The following UPP2 variants were observed in gnomAD, a reference collection of about 807,000 sequenced individuals.
UPP2 encodes UPase 2.
A neutral mutation model predicts 26.7 loss-of-function variants in UPP2; 23 were observed. The ratio of observed to expected loss-of-function variants is 0.86; its 90% CI spans 0.62 to 1.22. The LOEUF (loss-of-function observed/expected upper bound fraction) is 1.22, where lower values mean the gene tolerates loss of function less well. UPP2 is among the 50% of genes most tolerant of loss of function. The pLI is 0.00. For synonymous variants in UPP2, 127 were observed against 141.3 expected, an observed-to-expected ratio of 0.90 and a Z score of 0.72; for missense variants, 387 against 396.7, an observed-to-expected ratio of 0.98 and a Z score of 0.21.
chr2:158,083,486 T>C (rs138130071), intron 3 of UPP2, among the ~76,000 whole-genome samples: 2,128 of 152,010 alleles, frequency 0.014, 60 homozygotes, highest in African/African-American at 0.048. Context: ...GTTTTCACTC[T>C]TAAGTGGGAG....
upstream of UPP2, among the ~76,000 whole-genome samples, chr2:158,099,536 G>A (rs924129835): frequency 6.6e-6 from 1 of 152,146 alleles, no homozygotes; most frequent in Non-Finnish European, 1.5e-5. Context: ...CTTCTGGGAA[G>A]GGGTGCCTGC....
intron 6 of UPP2, among the ~76,000 whole-genome samples, chr2:158,131,511 A>G (rs1683820142): frequency 6.6e-6 from 1 of 152,200 alleles, no homozygotes; most frequent in African/African-American, 2.4e-5. Flanking sequence ...AAGAGGTTCC[A>G]ATTAGGACTT....
chr2:158,030,478 T>C (rs1487710265), intron 3 of UPP2, among the ~76,000 whole-genome samples: 1 of 152,200 alleles, frequency 6.6e-6, no homozygotes, highest in Non-Finnish European at 1.5e-5. Flanking sequence ...ACCATATAGA[T>C]TTCTGTTCTG....
Position 158,123,876 on chromosome 2 carries a change from T to G in UPP2, c.792T>G (p.Cys264Trp). ...AATCTACAGTGTTTGCAGCTATGTGTGGACTCTGTGGTCTAAAAGGTAAGC... is the reference window on the plus strand; with the variant it reads ...AATCTACAGTGTTTGCAGCTATGTGGGGACTCTGTGGTCTAAAAGGTAAGC... Reference protein sequence around the residue: ...EMESTVFAAMCGLCGLKAAVV... With the variant: ...EMESTVFAAMWGLCGLKAAVV... Residue 264 changes from cysteine (C) to tryptophan (W), a missense_variant, in exon 6 of 7, where the codon TGT (cysteine) becomes TGG (tryptophan). Transcript: ENST00000005756. 2 of 1,613,878 alleles carry G rather than the reference T, an allele frequency of 1.2e-6. No homozygotes were observed. Among genetic ancestry groups the G allele is most frequent in the Non-Finnish European group, 1.7e-6 (2 of 1,179,838 alleles).
intron 5 of UPP2, among the ~76,000 whole-genome samples, chr2:158,122,795 C>G (rs1231196183): frequency 6.6e-6 from 1 of 152,182 alleles, no homozygotes; most frequent in African/African-American, 2.4e-5. Context: ...TGAAGCTGCT[C>G]CCCTCAGACC....
chr2:158,027,981 G>A (rs773116422), intron 3 of UPP2, among the ~76,000 whole-genome samples: 1 of 152,180 alleles, frequency 6.6e-6, no homozygotes, highest in African/African-American at 2.4e-5. Context: ...ACAGCACTGG[G>A]ATCCTGGGCC....
chr2:158,117,673 G>A lies in UPP2; in HGVS notation c.340-151G>A, dbSNP rs564040086. ...CAGCATGTCATGTAGGTGCCAATTA[G>A]GGAGGACTTACATTTTCCTCAGCAT... is the stretch of plus-strand genomic sequence containing the variant. On this transcript the variant is annotated intron_variant, in intron 3 of 6. Transcript: ENST00000005756. 6.3e-6 allele frequency: 4 copies of A among 638,004 alleles called. No homozygotes were observed. The South Asian group carries it at 7.6e-5, about 12-fold the overall frequency. The allele number at this position is 638,004 out of a possible 1,614,324, so 39.5% of individuals were successfully genotyped here.
At chr2:158,117,984 T>A (rs768088479) in intron 4 of UPP2, 46 bp downstream of exon 4, 1 of 1,501,004 alleles carries the variant, frequency 6.7e-7, no homozygotes, top group East Asian at 2.3e-5. Flanking sequence ...GATCCTTACA[T>A]ACATGGTAGC....
upstream of UPP2, among the ~76,000 whole-genome samples, chr2:158,097,628 G>T (rs1683008773): frequency 6.6e-6 from 1 of 152,174 alleles, no homozygotes; most frequent in South Asian, 2.1e-4. Flanking sequence ...AGGATTAGGG[G>T]ATGCTGCAAT....
intron 3 of UPP2, among the ~76,000 whole-genome samples, chr2:158,080,386 G>A (rs1338466866): frequency 6.6e-6 from 1 of 152,006 alleles, no homozygotes; most frequent in Non-Finnish European, 1.5e-5. Context: ...ATATCACACT[G>A]CCTCTGTAGG....
chr2:158,004,642 A>G (rs1683462200), intron 2 of UPP2, among the ~76,000 whole-genome samples: 1 of 152,218 alleles, frequency 6.6e-6, no homozygotes, highest in South Asian at 2.1e-4. Flanking sequence ...GGGGAGATGG[A>G]TAAGAAACAA....
At chr2:158,015,838 A>C (rs1427317005) in exon 3 of UPP2, 1 of 453,412 alleles carries the variant, frequency 2.2e-6, no homozygotes, top group Admixed American at 2.4e-5. Context: ...CCATGATTGT[A>C]AGTGTCCTGA....
chr2:158,066,607 T>A (rs1425292789), intron 3 of UPP2, among the ~76,000 whole-genome samples: 2 of 149,352 alleles, frequency 1.3e-5, no homozygotes, highest in African/African-American at 5.0e-5. Flanking sequence ...CTAGCAAATA[T>A]CAGATTTGTT....
intron 2 of UPP2, among the ~76,000 whole-genome samples, chr2:158,015,051 A>G (rs1318591284): frequency 6.6e-6 from 1 of 152,248 alleles, no homozygotes; most frequent in African/African-American, 2.4e-5. Context: ...CATTATGATC[A>G]TTAGAGAAAC....
intron 3 of UPP2, 33 bp downstream of exon 3, chr2:158,115,292 T>C (rs531145849): frequency 1.3e-6 from 2 of 1,546,164 alleles, no homozygotes; most frequent in East Asian, 2.3e-5. Flanking sequence ...CAGCTAGTCA[T>C]TGCAGGCTAG....
intron 3 of UPP2, among the ~76,000 whole-genome samples, chr2:158,052,216 G>T (rs79900466): frequency 6.6e-6 from 1 of 152,102 alleles, no homozygotes; most frequent in South Asian, 2.1e-4. Flanking sequence ...ATGGGAACAT[G>T]TCACCTGAAG....
At chr2:158,105,003 AGG>A (rs1683158468) in intron 1 of UPP2, among the ~76,000 whole-genome samples, 1 of 3,406 alleles carries the variant, frequency 2.9e-4, no homozygotes, top group Non-Finnish European at 6.1e-4. Flanking sequence ...AAGGGAGGGG[AGG>A]GGAGGGGAGG....
intron 2 of UPP2, among the ~76,000 whole-genome samples, chr2:158,012,263 CTTTTTTTTTTT>C (rs34807293): frequency 0.044 from 3,645 of 81,938 alleles, 172 homozygotes; most frequent in African/African-American, 0.14. Context: ...TTGTTTCTAC[CTTTTTTTTTTT>C]TTTTTTTTTT....
intron 3 of UPP2, among the ~76,000 whole-genome samples, chr2:158,071,459 G>A (rs761406608): frequency 1.3e-5 from 2 of 150,166 alleles, no homozygotes; most frequent in Non-Finnish European, 2.9e-5. Flanking sequence ...GCTGAGGCAG[G>A]AGAATTGCTT....
Sources: gnomAD v4.1 joint callset for allele counts (sites outside exome capture counted in the v4.1 genomes callset) on GRCh38, gnomAD v4.1.1 for gene constraint, MANE v1.5 for transcripts, NCBI Gene and HGNC (gene_info 2026-07-23, HGNC 2026-07-21) for gene names.